PCDH9: variants seen among roughly 807,000 people sequenced by gnomAD.
PCDH9 encodes protocadherin 9, also known as protocadherin-9.
A neutral mutation model predicts 70.6 loss-of-function variants in PCDH9; 24 were observed. The observed-to-expected ratio is 0.34, with a 90% CI of 0.25 to 0.48. PCDH9 has a LOEUF of 0.48. Among genes scored for constraint, PCDH9 ranks in the 20% least tolerant of loss-of-function variants. The pLI is 0.99. For synonymous variants in PCDH9, 562 were observed against 558.5 expected, an observed-to-expected ratio of 1.01 and a Z score of -0.09; for missense variants, 1,281 against 1,503.6, an observed-to-expected ratio of 0.85 and a Z score of 2.45.
In PCDH9 at chr13:66,788,307, G is replaced by A. The variant is rs916160175; in HGVS notation, c.3138+115197C>T. ...AACTAAATCCCTCTCAAAAGGCCTC[G>A]CCTCCCAACCCTGTTGCATTGCAGA... is the stretch of plus-strand genomic sequence containing the variant. On this transcript the variant is annotated intron_variant, in intron 3 of 4. Coordinates refer to ENST00000377865, the MANE Select transcript of PCDH9 (RefSeq NM_203487.3). Among the ~76,000 whole-genome samples the A allele has an allele frequency of 7.9e-5, 12 of 151,938 alleles. No individual in the cohort carries two copies. The South Asian group carries it at 8.3e-4, about 11-fold the overall frequency.
At chr13:66,514,185 C>T (rs1280164626) in intron 4 of PCDH9, among the ~76,000 whole-genome samples, 1 of 152,066 alleles carries the variant, frequency 6.6e-6, no homozygotes, top group African/African-American at 2.4e-5. Context: ...TAGGCATACA[C>T]AGTACTGTAT....
intron 4 of PCDH9, among the ~76,000 whole-genome samples, chr13:66,462,642 G>T (rs1205160864): frequency 6.6e-6 from 1 of 151,812 alleles, no homozygotes; most frequent in African/African-American, 2.4e-5. Flanking sequence ...ACATTAAAAA[G>T]ATTCCCAGGT....
At chr13:66,742,027 A>C (rs10459389) in intron 3 of PCDH9, among the ~76,000 whole-genome samples, 21,710 of 109,992 alleles carry the variant, frequency 0.2, 2,210 homozygotes, top group East Asian at 0.32. Flanking sequence ...AAGAGCCCGC[A>C]TTGCCAAGTC....
At chr13:66,648,201 G>A (rs1054590383) in intron 3 of PCDH9, among the ~76,000 whole-genome samples, 4 of 152,146 alleles carry the variant, frequency 2.6e-5, no homozygotes, top group Non-Finnish European at 5.9e-5. Context: ...CTAGAGACTT[G>A]GGCAAACATA....
At chr13:66,934,578 C>T (rs1272143221) in intron 2 of PCDH9, among the ~76,000 whole-genome samples, 1 of 98,084 alleles carries the variant, frequency 1.0e-5, no homozygotes, top group Non-Finnish European at 2.4e-5. Flanking sequence ...AATACAAAAA[C>T]TCCTTGAAGC....
chr13:67,228,351 A>C lies in PCDH9; in HGVS notation c.90T>G (p.Ile30Met), dbSNP rs747730169. ...SAIAQELIYT[I>M]REELPENVPI... ...GCACATTTTCAGGCAATTCCTCTCT[A>C]ATAGTGTAAATAAGTTCTTGAGCTA... The change falls in exon 2 of 5, where the codon ATT becomes ATG. Residue 30 changes from isoleucine to methionine, a missense_variant. By Grantham distance (10) the Ile-to-Met change is conservative. Transcript: ENST00000377865. 24 of 1,613,896 alleles carry C rather than the reference A, an allele frequency of 1.5e-5. No individual in the cohort carries two copies. Among genetic ancestry groups the C allele is most frequent in the Non-Finnish European group, 5.1e-6 (6 of 1,179,948 alleles).
At chr13:66,769,513 G>A (rs966416648) in intron 3 of PCDH9, among the ~76,000 whole-genome samples, 7 of 151,424 alleles carry the variant, frequency 4.6e-5, no homozygotes, top group Non-Finnish European at 1.0e-4. Context: ...CAATTTTCTA[G>A]GTTTTTCGGA....
At chr13:67,125,074 T>C (rs1442943705) in intron 2 of PCDH9, among the ~76,000 whole-genome samples, 2 of 152,202 alleles carry the variant, frequency 1.3e-5, no homozygotes, top group Non-Finnish European at 2.9e-5. Flanking sequence ...AACTTCTGAC[T>C]GGGCAAGTCT....
At chr13:66,565,860 C>T (rs571253602) in intron 4 of PCDH9, among the ~76,000 whole-genome samples, 115 of 152,142 alleles carry the variant, frequency 7.6e-4, no homozygotes, top group African/African-American at 2.6e-3. Flanking sequence ...CTATTTCCTC[C>T]TATGGAAAAA....
At chr13:66,916,308 T>C (rs1385699367) in intron 2 of PCDH9, among the ~76,000 whole-genome samples, 1 of 151,568 alleles carries the variant, frequency 6.6e-6, no homozygotes, top group Non-Finnish European at 1.5e-5. Context: ...TAATAACAAA[T>C]ACCTAAAATA....
At chr13:67,135,326 A>G (rs1283320163) in intron 2 of PCDH9, among the ~76,000 whole-genome samples, 1 of 152,078 alleles carries the variant, frequency 6.6e-6, no homozygotes, top group Non-Finnish European at 1.5e-5. Context: ...TAGTCAGTTC[A>G]AACTGGACAT....
intron 2 of PCDH9, among the ~76,000 whole-genome samples, chr13:67,057,970 A>G (rs2085455929): frequency 6.6e-6 from 1 of 152,142 alleles, no homozygotes; most frequent in Non-Finnish European, 1.5e-5. Context: ...AAATCCAAAA[A>G]TTAAATTTTT....
At chr13:66,625,860 C>T (rs1418574373) in intron 4 of PCDH9, among the ~76,000 whole-genome samples, 1 of 151,924 alleles carries the variant, frequency 6.6e-6, no homozygotes, top group Non-Finnish European at 1.5e-5. Context: ...AACAGGGTTT[C>T]ACCGTGTTGG....
intron 4 of PCDH9, among the ~76,000 whole-genome samples, chr13:66,430,976 A>G (rs1957761330): frequency 6.6e-6 from 1 of 152,096 alleles, no homozygotes; most frequent in Admixed American, 6.6e-5. Flanking sequence ...GCTATGAGGC[A>G]TACTTTGGAT....
At chr13:66,423,615 T>C (rs1409140716) in intron 4 of PCDH9, among the ~76,000 whole-genome samples, 1 of 152,002 alleles carries the variant, frequency 6.6e-6, no homozygotes, top group East Asian at 1.9e-4. Flanking sequence ...AGGCCATTGA[T>C]AAAATTCAAC....
intron 3 of PCDH9, among the ~76,000 whole-genome samples, chr13:66,841,025 T>G (rs1294849702): frequency 6.6e-6 from 1 of 152,212 alleles, no homozygotes; most frequent in Non-Finnish European, 1.5e-5. Context: ...AATTCTCATG[T>G]AATTGTTGCC....
chr13:66,737,447 T>A (rs1447968449), intron 3 of PCDH9, among the ~76,000 whole-genome samples: 1 of 152,206 alleles, frequency 6.6e-6, no homozygotes, highest in African/African-American at 2.4e-5. Flanking sequence ...GTCTATTTAC[T>A]TTTGTTGAAT....
Position 66,733,033 on chromosome 13 carries a change from G to A in PCDH9, c.3139-101622C>T, listed in dbSNP as rs188104167. Among the ~76,000 whole-genome samples, 736 of 151,980 alleles carry A rather than the reference G, an allele frequency of 4.8e-3. 6 individuals carry two copies. Among genetic ancestry groups the A allele is most frequent in the African/African-American group, 0.015 (627 of 41,486 alleles). ...ATATGTTTATATTTTACTAAATTAC[G>A]TATTTTAACAGCAACAAGTGTTGGG... On this transcript the variant is annotated intron_variant, in intron 3 of 4. Transcript: ENST00000377865.
chr13:66,550,963 ACTCTCAATTG>A (rs1326537147), intron 4 of PCDH9, among the ~76,000 whole-genome samples: 2 of 152,078 alleles, frequency 1.3e-5, no homozygotes, highest in Non-Finnish European at 2.9e-5. Context: ...CCTTGACATT[ACTCTCAATTG>A]AGGGAAAGCA....
Sources: allele counts gnomAD v4.1 joint callset (sites outside exome capture counted in the v4.1 genomes callset), GRCh38; gene constraint gnomAD v4.1.1; transcripts MANE v1.5; gene names NCBI Gene and HGNC (gene_info 2026-07-23, HGNC 2026-07-21).